The following ROBO1 variants were observed in gnomAD, a reference collection of about 807,000 sequenced individuals.
The protein encoded by ROBO1 is roundabout homolog 1.
ROBO1 carries 149 observed loss-of-function variants against 195.9 expected under a neutral mutation model. That is an observed-to-expected ratio of 0.76 (90% CI 0.67 to 0.87). The LOEUF (loss-of-function observed/expected upper bound fraction) is 0.87. Ranked by LOEUF, ROBO1 falls within the 40% of genes least tolerant of loss-of-function variation. The pLI, the probability that ROBO1 is intolerant of heterozygous loss-of-function variation, is 0.00. For missense variants in ROBO1, 1,933 were observed against 2,068.3 expected, an observed-to-expected ratio of 0.93 and a Z score of 1.27; for synonymous variants, 816 against 733.2, an observed-to-expected ratio of 1.11 and a Z score of -1.82.
chr3:78,661,236 T>C lies in ROBO1; in HGVS notation c.2114A>G (p.Gln705Arg). Residue 705 changes from glutamine (Q) to arginine (R), a missense_variant, in exon 16 of 31, where the codon CAA becomes CGA. By Grantham distance (43) the Gln-to-Arg change is conservative (BLOSUM62 1). This residue lies in a region of ROBO1 where 1,737 missense variants were observed against 1,882.5 expected (regional missense o/e 0.92). Coordinates refer to ENST00000464233, the MANE Select transcript of ROBO1 (RefSeq NM_002941.4). Reference sequence around the variant, plus strand: ...TGGCCGATAGAGAATTTTATATCCTTGTATATACTGAGACTGTTGATCTAC... The same window carrying C: ...TGGCCGATAGAGAATTTTATATCCTCGTATATACTGAGACTGTTGATCTAC... ...WTVDQQSQYI[Q>R]GYKILYRPSG... The C allele has an allele frequency of 6.2e-7, 1 of 1,602,870 alleles. No homozygotes were observed. The highest frequency in any genetic ancestry group is 2.2e-5 in the East Asian group (1 of 44,760).
At chr3:78,871,581 G>A (rs971276278) in intron 4 of ROBO1, among the ~76,000 whole-genome samples, 2 of 151,818 alleles carry the variant, frequency 1.3e-5, no homozygotes, top group African/African-American at 4.8e-5. Context: ...TAAAAATTAG[G>A]TTGCTACTTT....
intron 3 of ROBO1, among the ~76,000 whole-genome samples, chr3:79,105,424 T>C (rs1250167122): frequency 6.6e-6 from 1 of 151,734 alleles, no homozygotes; most frequent in African/African-American, 2.4e-5. Flanking sequence ...GTACACCTGT[T>C]AGTCTGACAG....
At chr3:78,826,739 A>G (rs2108713391) in intron 4 of ROBO1, among the ~76,000 whole-genome samples, 1 of 152,306 alleles carries the variant, frequency 6.6e-6, no homozygotes, top group Non-Finnish European at 1.5e-5. Context: ...CTTCAACCAC[A>G]GCAGTTTATT....
rs1451918902 is a variant in ROBO1 at position 79,237,366 on chromosome 3, A to C, written c.89-111827T>G. 4.6e-5 allele frequency among the ~76,000 whole-genome samples: 7 copies of C among 152,042 alleles called. No homozygotes were observed. In the South Asian group the frequency reaches 8.3e-4, roughly 18 times the overall value. On this transcript the variant is annotated intron_variant, in intron 2 of 30. Transcript: ENST00000464233. ...GCGTGGTGGCGGCGCCTGTAGTCCC[A>C]GCTACTCGGGAGGCTGAGGCAGGAG...
intron 2 of ROBO1, among the ~76,000 whole-genome samples, chr3:79,255,115 T>A (rs759808086): frequency 2.6e-5 from 4 of 152,164 alleles, no homozygotes; most frequent in Non-Finnish European, 4.4e-5. Context: ...CTACTCGGAT[T>A]TATGCGTCCA....
intron 2 of ROBO1, among the ~76,000 whole-genome samples, chr3:79,159,413 T>A (rs1288131986): frequency 6.6e-6 from 1 of 152,014 alleles, no homozygotes; most frequent in African/African-American, 2.4e-5. Flanking sequence ...CTTCATTAAA[T>A]CTTTATTACC....
intron 1 of ROBO1, among the ~76,000 whole-genome samples, chr3:79,703,125 T>C (rs1947666530): frequency 6.6e-6 from 1 of 151,986 alleles, no homozygotes; most frequent in Non-Finnish European, 1.5e-5. Flanking sequence ...GTCTAAAATC[T>C]AAATAGTTGT....
At chr3:78,997,671 T>G (rs1417367465) in intron 3 of ROBO1, among the ~76,000 whole-genome samples, 1 of 152,048 alleles carries the variant, frequency 6.6e-6, no homozygotes, top group Non-Finnish European at 1.5e-5. Context: ...AGTAAAGACA[T>G]GTACAGAACA....
At chr3:78,837,933 A>G (rs1473616120) in intron 4 of ROBO1, among the ~76,000 whole-genome samples, 1 of 152,206 alleles carries the variant, frequency 6.6e-6, no homozygotes, top group Non-Finnish European at 1.5e-5. Context: ...AATATCGTCA[A>G]CCTACTAACT....
chr3:78,768,803 TC>T (rs1161526741), intron 4 of ROBO1, among the ~76,000 whole-genome samples: 3 of 81,710 alleles, frequency 3.7e-5, no homozygotes, highest in East Asian at 8.8e-4. Context: ...ATGCTATCCC[TC>T]CCCCCTCCCC....
intron 3 of ROBO1, among the ~76,000 whole-genome samples, chr3:78,971,765 GT>G (rs1200258969): frequency 5.9e-5 from 9 of 151,458 alleles, no homozygotes; most frequent in South Asian, 2.1e-4. Context: ...TGTTGTTGTT[GT>G]TTGTTTGTTT....
intron 2 of ROBO1, among the ~76,000 whole-genome samples, chr3:79,533,958 T>C (rs1941755267): frequency 6.6e-6 from 1 of 152,002 alleles, no homozygotes; most frequent in South Asian, 2.1e-4. Flanking sequence ...ATCAGCTGAA[T>C]CTATTATAGG....
intron 4 of ROBO1, among the ~76,000 whole-genome samples, chr3:78,902,809 A>C (rs2037666554): frequency 6.6e-6 from 1 of 152,158 alleles, no homozygotes. Context: ...GTGCCATTGC[A>C]CTTTAGCCTG....
At chr3:79,179,897 G>A (rs2081313087) in intron 2 of ROBO1, among the ~76,000 whole-genome samples, 1 of 152,150 alleles carries the variant, frequency 6.6e-6, no homozygotes, top group African/African-American at 2.4e-5. Context: ...TGCTTGCAGA[G>A]ATTGTAAAAC....
chr3:79,370,328 A>G (rs1190630615), intron 2 of ROBO1, among the ~76,000 whole-genome samples: 1 of 152,078 alleles, frequency 6.6e-6, no homozygotes, highest in Non-Finnish European at 1.5e-5. Context: ...CCTGTACTCC[A>G]GCCTGGGTGA....
intron 2 of ROBO1, among the ~76,000 whole-genome samples, chr3:79,536,638 A>G (rs752107550): frequency 3.3e-5 from 5 of 151,992 alleles, no homozygotes; most frequent in Non-Finnish European, 7.4e-5. Context: ...AAAAGTTTAT[A>G]TCTATATTAG....
intron 3 of ROBO1, among the ~76,000 whole-genome samples, chr3:79,026,906 T>G (rs1485724788): frequency 6.6e-6 from 1 of 152,060 alleles, no homozygotes; most frequent in African/African-American, 2.4e-5. Flanking sequence ...TTTTCATTGC[T>G]TTTTAAAAAA....
intron 2 of ROBO1, among the ~76,000 whole-genome samples, chr3:79,480,918 AT>A (rs1938815716): frequency 6.6e-6 from 1 of 152,120 alleles, no homozygotes. Context: ...GTGAAGCATA[AT>A]ATAGCAATTT....
chr3:79,565,444 G>A (rs537504884), intron 2 of ROBO1, among the ~76,000 whole-genome samples: 2 of 152,042 alleles, frequency 1.3e-5, no homozygotes, highest in South Asian at 2.1e-4. Context: ...ATCAGTAACA[G>A]CTATACTATT....
Sources: gnomAD v4.1 joint callset for allele counts (sites outside exome capture counted in the v4.1 genomes callset) on GRCh38, gnomAD v4.1.1 for gene constraint, gnomAD v4.1.1 regional missense constraint, MANE v1.5 for transcripts, NCBI Gene and HGNC (gene_info 2026-07-23, HGNC 2026-07-21) for gene names.